GLUD1: variants seen among roughly 807,000 people sequenced by gnomAD.
The protein encoded by GLUD1 is glutamate dehydrogenase 1, mitochondrial.
Under a neutral mutation model 56.0 loss-of-function variants are expected in GLUD1, and 22 were observed. That is an observed-to-expected ratio of 0.39 (90% CI 0.28 to 0.56). GLUD1 has a LOEUF of 0.56. Ranked by LOEUF, GLUD1 falls within the 20% of genes least tolerant of loss-of-function variation. GLUD1 has a pLI of 0.58. For missense variants in GLUD1, 451 were observed against 732.0 expected, an observed-to-expected ratio of 0.62 and a Z score of 4.43; for synonymous variants, 223 against 269.9, an observed-to-expected ratio of 0.83 and a Z score of 1.70.
At chr10:87,065,545 C>G (rs952923002) in intron 5 of GLUD1, among the ~76,000 whole-genome samples, 6 of 152,120 alleles carry the variant, frequency 3.9e-5, no homozygotes, top group African/African-American at 1.4e-4. Flanking sequence ...TACTGGTGAA[C>G]AGTTTTCCTT....
chr10:87,094,148 G>T lies in GLUD1; in HGVS notation c.445+177C>A. The T allele has an allele frequency of 5.6e-6, 8 of 1,425,834 alleles. No homozygotes were observed. The highest frequency in any genetic ancestry group is 7.4e-6 in the Non-Finnish European group (8 of 1,077,450). 88.3% of individuals were successfully genotyped at this position (1,425,834 alleles called of 1,614,324 possible). A position where few individuals can be genotyped will look rare whatever the true frequency, so the allele number is the denominator to read the frequency against. ...GCCAATCGCATGATGATTTTAAGGC[G>T]GAAAAATCACCATCCACAGAGCCGG... is the stretch of plus-strand genomic sequence containing the variant. On this transcript the variant is annotated intron_variant, in intron 1 of 12. Coordinates refer to ENST00000277865, the MANE Select transcript of GLUD1 (RefSeq NM_005271.5). The surrounding 1 kb of genome is among the most constrained non-coding windows in gnomAD (Gnocchi z 6.6).
intron 11 of GLUD1, among the ~76,000 whole-genome samples, chr10:87,055,845 G>A (rs1845757049): frequency 6.6e-6 from 1 of 152,116 alleles, no homozygotes; most frequent in Non-Finnish European, 1.5e-5. Context: ...GCCGGGCGCG[G>A]TGGCTCACGC....
At chr10:87,076,517 T>C (rs1846400177) in intron 2 of GLUD1, 59 bp downstream of exon 2, 5 of 973,100 alleles carry the variant, frequency 5.1e-6, no homozygotes, top group Non-Finnish European at 1.7e-6. Flanking sequence ...AACAGTAACA[T>C]GTGTGTAAAC....
chr10:87,091,624 C>G, intron 1 of GLUD1: 1 of 958,222 alleles, frequency 1.0e-6, no homozygotes, highest in Non-Finnish European at 1.2e-6. Context: ...CATGTAGTAA[C>G]TGGGAAAAGA....
intron 4 of GLUD1, among the ~76,000 whole-genome samples, chr10:87,074,015 A>AT (rs1383683106): frequency 6.6e-6 from 1 of 152,162 alleles, no homozygotes; most frequent in Non-Finnish European, 1.5e-5. Context: ...AGCCTTCTAG[A>AT]TTAAAAAAAA....
At chr10:87,056,125 A>AAC (rs1845766306) in intron 11 of GLUD1, among the ~76,000 whole-genome samples, 1 of 92,918 alleles carries the variant, frequency 1.1e-5, no homozygotes, top group Admixed American at 1.2e-4. Flanking sequence ...CAAAAAAAAA[A>AAC]AAAAAAAAAA....
At chr10:87,053,429 TA>T in intron 11 of GLUD1, 25 bp from the exon 12 acceptor site, 1 of 1,489,552 alleles carries the variant, frequency 6.7e-7, no homozygotes, top group Non-Finnish European at 9.4e-7. Flanking sequence ...AACACAAGTT[TA>T]ACAAAACCAC....
At chr10:87,090,041 ATTAC>A (rs1333564179) in intron 1 of GLUD1, among the ~76,000 whole-genome samples, 1 of 152,196 alleles carries the variant, frequency 6.6e-6, no homozygotes, top group Non-Finnish European at 1.5e-5. Flanking sequence ...TTTTCTCTTT[ATTAC>A]TTACATTGTA....
rs746331636 is a variant in GLUD1, at chr10:87,074,501, A to AT, written c.646+49_646+50insA. The stretch of plus-strand genomic sequence containing the variant: ...AGACTCCGTCTCAAAAAAAAAAAAA[A>AT]ATTTTTAGATGTTCCCACTTTATAC... On this transcript the variant is annotated intron_variant, in intron 4 of 12. Transcript: ENST00000277865. The AT allele has an allele frequency of 6.5e-6, 7 of 1,080,594 alleles. No individual in the cohort carries two copies. The African/African-American group carries it at 9.3e-5, about 14-fold the overall frequency. 66.9% of individuals were successfully genotyped at this position (1,080,594 alleles called of 1,614,324 possible).
intron 1 of GLUD1, chr10:87,093,853 G>A: frequency 8.9e-7 from 1 of 1,119,844 alleles, no homozygotes; most frequent in Non-Finnish European, 1.2e-6. Flanking sequence ...TCTATGTTCG[G>A]ATATCATCTG....
At chr10:87,087,261 C>T (rs1224082143) in intron 1 of GLUD1, among the ~76,000 whole-genome samples, 1 of 152,208 alleles carries the variant, frequency 6.6e-6, no homozygotes, top group Non-Finnish European at 1.5e-5. Context: ...TTCTGTTCCC[C>T]TGGAATTTGG....
At chr10:87,061,894 C>T (rs1845946371) in intron 6 of GLUD1, among the ~76,000 whole-genome samples, 1 of 152,208 alleles carries the variant, frequency 6.6e-6, no homozygotes, top group Admixed American at 6.5e-5. Flanking sequence ...AGTGATTCTC[C>T]TGCGTCAGCC....
At chr10:87,074,667 G>T in intron 3 of GLUD1, 53 bp from the exon 4 acceptor site, 1 of 969,632 alleles carries the variant, frequency 1.0e-6, no homozygotes, top group Non-Finnish European at 1.7e-6. Context: ...AAAATCGCTT[G>T]AGATTATAGC....
intron 4 of GLUD1, among the ~76,000 whole-genome samples, chr10:87,072,192 G>GAGCCCAGGAGGTCAAGGTTGCGA (rs1185304321): frequency 7.2e-5 from 11 of 152,210 alleles, no homozygotes; most frequent in Admixed American, 1.3e-4. Context: ...AGGATTGCTT[G>GAGCCCAGGAGGTCAAGGTTGCGA]AGCCCAGGAG....
intron 10 of GLUD1, among the ~76,000 whole-genome samples, chr10:87,058,482 A>C (rs1375533289): frequency 3.3e-5 from 5 of 152,244 alleles, no homozygotes; most frequent in African/African-American, 1.2e-4. Context: ...AGTCAAAGAA[A>C]AACAAGTATT....
At chr10:87,075,589 A>G (rs1423603004) in intron 3 of GLUD1, among the ~76,000 whole-genome samples, 2 of 152,340 alleles carry the variant, frequency 1.3e-5, no homozygotes, top group Admixed American at 1.3e-4. Context: ...AGAGAAGCCC[A>G]GTAATTTCAA....
intron 5 of GLUD1, among the ~76,000 whole-genome samples, chr10:87,063,888 T>A (rs1378977305): frequency 6.6e-6 from 1 of 152,016 alleles, no homozygotes. Flanking sequence ...CTTTGTCTTT[T>A]TTTTTTTTGA....
chr10:87,082,792 C>T (rs1437465436), intron 1 of GLUD1, among the ~76,000 whole-genome samples: 1 of 152,216 alleles, frequency 6.6e-6, no homozygotes, highest in Non-Finnish European at 1.5e-5. Context: ...TGCAGCAATA[C>T]TTGAGACAAA....
chr10:87,053,444 G>A (rs1358039072), intron 11 of GLUD1, 40 bp from the exon 12 acceptor site: 2 of 1,246,978 alleles, frequency 1.6e-6, no homozygotes, highest in Admixed American at 3.4e-5. Flanking sequence ...AAACCACAAA[G>A]ACCTGCTTTG....
Sources: gnomAD v4.1 joint callset for allele counts (sites outside exome capture counted in the v4.1 genomes callset) on GRCh38, gnomAD v4.1.1 for gene constraint, Gnocchi (gnomAD v3.1) non-coding constraint, MANE v1.5 for transcripts, NCBI Gene and HGNC (gene_info 2026-07-23, HGNC 2026-07-21) for gene names.